GABRB1: variants seen among roughly 807,000 people sequenced by gnomAD.
GABRB1 encodes the protein gamma-aminobutyric acid type A receptor subunit beta1, also known as gamma-aminobutyric acid receptor subunit beta-1.
In GABRB1, 17 loss-of-function variants were observed where a neutral mutation model predicts 51.6. The observed-to-expected ratio is 0.33, with a 90% CI of 0.23 to 0.49. The LOEUF is 0.49. GABRB1 is among the 20% of genes least tolerant of loss of function. The pLI is 0.99. For synonymous variants in GABRB1, 247 were observed against 218.9 expected (o/e 1.13, Z -1.14); for missense variants, 410 against 600.6 (o/e 0.68, Z 3.32).
At chr4:47,072,717 G>T (rs552812624) in intron 3 of GABRB1, among the ~76,000 whole-genome samples, 1 of 152,228 alleles carries the variant, frequency 6.6e-6, no homozygotes, top group South Asian at 2.1e-4. Context: ...ATTATGTATT[G>T]TATCATGTGA....
At chr4:47,238,487 C>A (rs1007438997) in intron 4 of GABRB1, among the ~76,000 whole-genome samples, 26 of 152,028 alleles carry the variant, frequency 1.7e-4, no homozygotes, top group Non-Finnish European at 2.5e-4. Context: ...GGAAACTATG[C>A]AACAAATAGG....
intron 5 of GABRB1, among the ~76,000 whole-genome samples, chr4:47,327,687 T>C (rs1233355623): frequency 6.6e-6 from 1 of 152,232 alleles, no homozygotes; most frequent in Non-Finnish European, 1.5e-5. Flanking sequence ...ACTTAATCCA[T>C]CTGTTTAACT....
At chr4:47,394,490 A>G (rs780251104) in intron 5 of GABRB1, among the ~76,000 whole-genome samples, 1 of 152,298 alleles carries the variant, frequency 6.6e-6, no homozygotes, top group South Asian at 2.1e-4. Context: ...ACCTGACTGA[A>G]TGAAAGGCCA....
At chr4:47,375,777 C>T (rs888225196) in intron 5 of GABRB1, among the ~76,000 whole-genome samples, 15 of 152,130 alleles carry the variant, frequency 9.9e-5, no homozygotes, top group African/African-American at 3.4e-4. Flanking sequence ...TCCCATTATC[C>T]TCTATGTGTC....
At chr4:47,225,590 C>T (rs1720915587) in intron 4 of GABRB1, among the ~76,000 whole-genome samples, 1 of 152,076 alleles carries the variant, frequency 6.6e-6, no homozygotes, top group Non-Finnish European at 1.5e-5. Context: ...TTCCAGCTAG[C>T]TATCTCAATC....
intron 4 of GABRB1, among the ~76,000 whole-genome samples, chr4:47,260,872 C>T (rs940303183): frequency 3.3e-5 from 5 of 152,150 alleles, no homozygotes; most frequent in African/African-American, 1.2e-4. Context: ...GGCTTCATCC[C>T]TGGGATGCAA....
At chr4:47,352,490 T>C (rs1244365856) in intron 5 of GABRB1, among the ~76,000 whole-genome samples, 1 of 152,154 alleles carries the variant, frequency 6.6e-6, no homozygotes, top group Non-Finnish European at 1.5e-5. Context: ...CCAATATCCT[T>C]GATGATCATT....
intron 4 of GABRB1, among the ~76,000 whole-genome samples, chr4:47,162,064 T>G (rs931164556): frequency 1.3e-5 from 2 of 152,042 alleles, no homozygotes; most frequent in African/African-American, 4.8e-5. Context: ...CTTGGCAAAA[T>G]GATCTTTGAA....
chr4:47,419,742 T>C (rs903223848), intron 8 of GABRB1, among the ~76,000 whole-genome samples: 3 of 152,196 alleles, frequency 2.0e-5, no homozygotes, highest in African/African-American at 7.2e-5. Context: ...AGTGAGTGAA[T>C]GCATGAACTA....
At chr4:47,150,387 G>C (rs1362795997) in intron 3 of GABRB1, among the ~76,000 whole-genome samples, 1 of 150,056 alleles carries the variant, frequency 6.7e-6, no homozygotes, top group Non-Finnish European at 1.5e-5. Flanking sequence ...CACAGAGAGA[G>C]AGAGAGATGT....
rs1222006462 is a variant in GABRB1, at chr4:47,032,494, C to T, written c.240+10C>T. ...CTCCGAAGTGAATATGGTGAGTGGC[C>T]TCCCGAGGGGCCCGGCGGTTCGGCT... is the stretch of plus-strand genomic sequence containing the variant. On this transcript the variant is annotated intron_variant, in intron 3 of 8. Transcript: ENST00000295454. The T allele has an allele frequency of 6.2e-6, 10 of 1,613,304 alleles. No homozygotes were observed. Among genetic ancestry groups the T allele is most frequent in the Non-Finnish European group, 8.5e-6 (10 of 1,179,486 alleles).
At chr4:47,024,769 T>A (rs1351842974) in intron 1 of GABRB1, among the ~76,000 whole-genome samples, 1 of 151,478 alleles carries the variant, frequency 6.6e-6, no homozygotes, top group Non-Finnish European at 1.5e-5. Context: ...GTCATTCTTA[T>A]GCCCTTGCAT....
At chr4:47,060,557 A>G (rs772804443) in intron 3 of GABRB1, among the ~76,000 whole-genome samples, 1 of 152,200 alleles carries the variant, frequency 6.6e-6, no homozygotes, top group South Asian at 2.1e-4. Context: ...GATAGTTTGC[A>G]GTATGATAGA....
chr4:47,320,042 T>C (rs1725020326), intron 4 of GABRB1, 85 bp from the exon 5 acceptor site: 1 of 927,638 alleles, frequency 1.1e-6, no homozygotes, highest in Non-Finnish European at 1.8e-6. Flanking sequence ...TGCCAACTGG[T>C]AAACATGATT....
chr4:47,351,303 G>A (rs1321589550), intron 5 of GABRB1, among the ~76,000 whole-genome samples: 1 of 152,138 alleles, frequency 6.6e-6, no homozygotes. Flanking sequence ...ATTAGGCCAA[G>A]TGTGTCTATA....
chr4:47,011,056 G>T (rs948886027), intron 1 of GABRB1, among the ~76,000 whole-genome samples: 5 of 152,090 alleles, frequency 3.3e-5, no homozygotes, highest in Non-Finnish European at 5.9e-5. Context: ...ACGTTGGTGT[G>T]AATAAGTTTT....
chr4:47,195,451 ATAGAT>A (rs1304417886), intron 4 of GABRB1, among the ~76,000 whole-genome samples: 7 of 83,354 alleles, frequency 8.4e-5, no homozygotes, highest in East Asian at 7.8e-4. Flanking sequence ...TAGATGATAG[ATAGAT>A]TAGATGATAG....
intron 3 of GABRB1, among the ~76,000 whole-genome samples, chr4:47,103,414 C>T (rs1367327364): frequency 6.6e-6 from 1 of 151,896 alleles, no homozygotes; most frequent in Admixed American, 6.6e-5. Flanking sequence ...CCTATTATAA[C>T]CCATGTTATT....
chr4:47,280,036 T>C (rs1723224659), intron 4 of GABRB1, among the ~76,000 whole-genome samples: 1 of 152,062 alleles, frequency 6.6e-6, no homozygotes, highest in East Asian at 1.9e-4. Context: ...ATTTTGTTAA[T>C]TGTTTCTGGT....
Sources: allele counts gnomAD v4.1 joint callset (sites outside exome capture counted in the v4.1 genomes callset), GRCh38; gene constraint gnomAD v4.1.1; transcripts MANE v1.5; gene names NCBI Gene and HGNC (gene_info 2026-07-23, HGNC 2026-07-21).